The following AAMP variants were observed in gnomAD, a reference collection of about 807,000 sequenced individuals.
The protein encoded by AAMP is angio-associated migratory cell protein.
A neutral mutation model predicts 51.1 loss-of-function variants in AAMP; 12 were observed. That is an observed-to-expected ratio of 0.23 (90% confidence interval 0.15 to 0.38). The LOEUF (loss-of-function observed/expected upper bound fraction) is 0.38, where lower values mean the gene tolerates loss of function less well. Ranked by LOEUF, AAMP falls within the 10% of genes least tolerant of loss-of-function variation. The pLI is 1.00. For synonymous variants in AAMP, 210 were observed against 218.7 expected (o/e 0.96, Z 0.35); for missense variants, 418 against 557.2 (o/e 0.75, Z 2.52).
chr2:218,269,867 A>T, intron 1 of AAMP, 99 bp downstream of exon 1: 1 of 1,550,924 alleles, frequency 6.4e-7, no homozygotes. Flanking sequence ...TATCGGTAGG[A>T]ATGACCAGTC....
At chr2:218,269,870 G>T in intron 1 of AAMP, 96 bp downstream of exon 1, 10 of 1,555,264 alleles carry the variant, frequency 6.4e-6, no homozygotes, top group Non-Finnish European at 8.8e-6. Context: ...CGGTAGGAAT[G>T]ACCAGTCGGG....
Position 218,266,797 on chromosome 2 carries a change from C to T in AAMP, c.534+50G>A, listed in dbSNP as rs771834977. ...AGAACTGGCCTCCCAAGCTTGCACCCCCAACAACCCAAGGCCCCACAGAGC... is the reference window on the plus strand; with the variant it reads ...AGAACTGGCCTCCCAAGCTTGCACCTCCAACAACCCAAGGCCCCACAGAGC... On this transcript the variant is annotated intron_variant, in intron 4 of 10. Transcript: ENST00000248450. This position sits in a 1 kb window ranked among gnomAD's most constrained non-coding sequence, Gnocchi z 4.7. The T allele has an allele frequency of 1.2e-6, 2 of 1,608,688 alleles. No individual in the cohort carries two copies. Among genetic ancestry groups the T allele is most frequent in the South Asian group, 1.1e-5 (1 of 90,880 alleles).
Position 218,265,815 on chromosome 2 carries a change from C to T in AAMP, c.879+16G>A. On this transcript the variant is annotated intron_variant, in intron 7 of 10. Coordinates refer to ENST00000248450, the MANE Select transcript of AAMP (RefSeq NM_001087.5). This position sits in a 1 kb window ranked among gnomAD's most constrained non-coding sequence, Gnocchi z 6.6. ...CGGGAAAGCGGAGGCCCCAGCCGGGCTCCAGGTCCACTCACCTTGCCGGTG... is the reference window on the plus strand; with the variant it reads ...CGGGAAAGCGGAGGCCCCAGCCGGGTTCCAGGTCCACTCACCTTGCCGGTG... 6.2e-7 allele frequency: 1 copy of T among 1,605,478 alleles called. No homozygotes were observed.
Position 218,269,247 on chromosome 2 carries a change from A to C in AAMP, c.274+135T>G, listed in dbSNP as rs1574612606. ...ATCATCCATTCTGCCACACTTTCCC[A>C]CCTGTGGGCTCCTCCAGCGCAAGGC... On this transcript the variant is annotated intron_variant, in intron 2 of 10. Transcript: ENST00000248450. 12 of 1,163,400 alleles carry C rather than the reference A, an allele frequency of 1.0e-5. No individual in the cohort carries two copies. The East Asian group carries it at 2.8e-4, about 27-fold the overall frequency. 72.1% of individuals were successfully genotyped at this position (1,163,400 alleles called of 1,614,324 possible).
chr2:218,267,965 T>G lies in AAMP; in HGVS notation c.275-352A>C, dbSNP rs1351101876. Among the ~76,000 whole-genome samples, 1 of 146,220 alleles carries G rather than the reference T, an allele frequency of 6.8e-6. No homozygotes were observed. The highest frequency in any genetic ancestry group is 1.5e-5 in the Non-Finnish European group (1 of 67,782). ...GGAGAGCATCACGTTAAGGGTTTTT[T>G]GTTTTTTGTTTTTTGTTTTTTGAGA... On this transcript the variant is annotated intron_variant, in intron 2 of 10. Coordinates refer to ENST00000248450, the MANE Select transcript of AAMP (RefSeq NM_001087.5). The surrounding 1 kb of genome is among the most constrained non-coding windows in gnomAD (Gnocchi z 4.6).
rs377002351 is a variant in AAMP at position 218,266,163 on chromosome 2, G to C, written c.680-16C>G. ...GCTCTCTTCCCTGAAGAGAGGCACA[G>C]ATGAAGAGAGGGCAGAGGGCACGCT... On this transcript the variant is annotated splice_polypyrimidine_tract_variant and intron_variant, in intron 5 of 10. Coordinates refer to ENST00000248450, the MANE Select transcript of AAMP (RefSeq NM_001087.5). This position sits in a 1 kb window ranked among gnomAD's most constrained non-coding sequence, Gnocchi z 4.7. The C allele has an allele frequency of 3.1e-6, 5 of 1,611,066 alleles. No individual in the cohort carries two copies. Among genetic ancestry groups the C allele is most frequent in the Non-Finnish European group, 4.2e-6 (5 of 1,177,322 alleles).
In AAMP at chr2:218,266,493, G is replaced by A. The variant is rs773821858; in HGVS notation, c.629C>T (p.Thr210Ile). ...MWKVPNGDCKTFQGPNCPATC... is the reference protein window; with the variant it reads ...MWKVPNGDCKIFQGPNCPATC... ...GGCTGGGCAGTTGGGACCCTGGAAG[G>A]TCTTGCAGTCACCATTCGGGACTTT... The change falls in exon 5 of 11, where the codon ACC (threonine) becomes ATC (isoleucine). Residue 210 changes from threonine to isoleucine, a missense_variant. Thr to Ile is a moderately conservative substitution (Grantham distance 89, BLOSUM62 -1). Transcript: ENST00000248450. The surrounding 1 kb of genome is among the most constrained non-coding windows in gnomAD (Gnocchi z 4.7). 6.2e-7 allele frequency: 1 copy of A among 1,614,108 alleles called. No homozygotes were observed.
At position 218,267,006 on chromosome 2, in the gene AAMP, G is replaced by C; in HGVS notation, c.395-20C>G. ...TATGGCCTTCAAAGAAAAGTGGGCA[G>C]AAAACAGAGGAAAAAAATAGGGTAC... is the stretch of plus-strand genomic sequence containing the variant. On this transcript the variant is annotated intron_variant, in intron 3 of 10. Coordinates refer to ENST00000248450, the MANE Select transcript of AAMP (RefSeq NM_001087.5). The surrounding 1 kb of genome is among the most constrained non-coding windows in gnomAD (Gnocchi z 4.6). The C allele has an allele frequency of 1.2e-6, 2 of 1,610,006 alleles. No homozygotes were observed. The highest frequency in any genetic ancestry group is 1.3e-5 in the African/African-American group (1 of 74,908).
At position 218,265,794 on chromosome 2, in the gene AAMP, A is replaced by G. The variant is rs1690612697; in HGVS notation, c.879+37T>C. 6.3e-7 allele frequency: 1 copy of G among 1,594,372 alleles called. No individual in the cohort carries two copies. Among genetic ancestry groups the G allele is most frequent in the African/African-American group, 1.3e-5 (1 of 74,570 alleles). On this transcript the variant is annotated intron_variant, in intron 7 of 10. Coordinates refer to ENST00000248450, the MANE Select transcript of AAMP (RefSeq NM_001087.5). This position sits in a 1 kb window ranked among gnomAD's most constrained non-coding sequence, Gnocchi z 6.6. Reference sequence around the variant, plus strand: ...CCAGGAAGGAAGGAGAGGAGTCGGGAAAGCGGAGGCCCCAGCCGGGCTCCA... The same window carrying G: ...CCAGGAAGGAAGGAGAGGAGTCGGGGAAGCGGAGGCCCCAGCCGGGCTCCA...
rs1489485574 is a variant in AAMP at position 218,269,535 on chromosome 2, C to T, written c.122-1G>A. On this transcript the variant is annotated splice_acceptor_variant, in intron 1 of 10. Coordinates refer to ENST00000248450, the MANE Select transcript of AAMP (RefSeq NM_001087.5). LOFTEE classifies it high-confidence loss of function. ...TCTTCCATCTCCTGGGCCAGGTCAT[C>T]TGCTTTGGGGAGAGGGTTAGAAGAT... The T allele has an allele frequency of 6.2e-7, 1 of 1,614,084 alleles. No individual in the cohort carries two copies. Among genetic ancestry groups the T allele is most frequent in the African/African-American group, 1.3e-5 (1 of 74,944 alleles).
Position 218,264,491 on chromosome 2 carries a change from T to TGG in AAMP, c.*41_*42insCC. On this transcript the variant is annotated 3_prime_UTR_variant, in exon 11 of 11. Transcript: ENST00000248450. Reference sequence around the variant, plus strand: ...CTGGCAGACAGGGGCAGGGGTCCCTTCGTCCCCTCAACACCAGACACACAG... The same window carrying TGG: ...CTGGCAGACAGGGGCAGGGGTCCCTTGGCGTCCCCTCAACACCAGACACACAG... 6.3e-7 allele frequency: 1 copy of TGG among 1,586,700 alleles called. No individual in the cohort carries two copies. The highest frequency in any genetic ancestry group is 8.7e-7 in the Non-Finnish European group (1 of 1,155,208).
At position 218,265,249 on chromosome 2, in the gene AAMP, G is replaced by A; in HGVS notation, c.1075-75C>T. The A allele has an allele frequency of 6.4e-7, 1 of 1,559,498 alleles. No individual in the cohort carries two copies. On this transcript the variant is annotated intron_variant, in intron 9 of 10. Coordinates refer to ENST00000248450, the MANE Select transcript of AAMP (RefSeq NM_001087.5). This position sits in a 1 kb window ranked among gnomAD's most constrained non-coding sequence, Gnocchi z 6.6. ...GAGCCATCTGCTCCCAATTCTCAAA[G>A]AGGGACAGCCACACACAAGGGCCAG... is the stretch of plus-strand genomic sequence containing the variant.
At position 218,267,629 on chromosome 2, in the gene AAMP, T is replaced by G; in HGVS notation, c.275-16A>C. ...AACACAGATGCTGTCCCAAGAGATA[T>G]TCCATGGGTAAGGGGACAGAGCTCC... On this transcript the variant is annotated splice_polypyrimidine_tract_variant and intron_variant, in intron 2 of 10. Transcript: ENST00000248450. This position sits in a 1 kb window ranked among gnomAD's most constrained non-coding sequence, Gnocchi z 4.6. The G allele has an allele frequency of 6.2e-7, 1 of 1,614,066 alleles. No individual in the cohort carries two copies. Among genetic ancestry groups the G allele is most frequent in the Non-Finnish European group, 8.5e-7 (1 of 1,179,976 alleles).
At position 218,266,218 on chromosome 2, in the gene AAMP, GGGAGA is replaced by G. The variant is rs1472932641; in HGVS notation, c.680-76_680-72del. On this transcript the variant is annotated intron_variant, in intron 5 of 10. Coordinates refer to ENST00000248450, the MANE Select transcript of AAMP (RefSeq NM_001087.5). This position sits in a 1 kb window ranked among gnomAD's most constrained non-coding sequence, Gnocchi z 4.7. ...TACACTAAGCAAGGGAATGGGGAGA[GGGAGA>G]GGAAAGAAGAGTGGAAGGGCCCAGA... The G allele has an allele frequency of 6.8e-7, 1 of 1,473,202 alleles. No homozygotes were observed. Among genetic ancestry groups the G allele is most frequent in the African/African-American group, 1.4e-5 (1 of 72,074 alleles). The allele number at this position is 1,473,202 out of a possible 1,614,324, so 91.3% of individuals were successfully genotyped here. A position where few individuals can be genotyped will look rare whatever the true frequency, so the allele number is the denominator to read the frequency against.
Position 218,266,890 on chromosome 2 carries a change from T to G in AAMP, c.491A>C (p.Asp164Ala). 1 of 1,614,032 alleles carries G rather than the reference T, an allele frequency of 6.2e-7. No individual in the cohort carries two copies. The highest frequency in any genetic ancestry group is 8.5e-7 in the Non-Finnish European group (1 of 1,180,012). ...AAAGGACCAGACCTCCTCCTTAGTG[T>G]CCACCTGCCACACTTTCAAGAGGCC... ...MSGLLKVWQV[D>A]TKEEVWSFEA... Residue 164 changes from aspartate (D) to alanine (A), a missense_variant, in exon 4 of 11, where the codon GAC (aspartate) becomes GCC (alanine). Physicochemically the swap from Asp to Ala is moderately radical, Grantham distance 126 (BLOSUM62 -2). Coordinates refer to ENST00000248450, the MANE Select transcript of AAMP (RefSeq NM_001087.5). The surrounding 1 kb of genome is among the most constrained non-coding windows in gnomAD (Gnocchi z 4.7).
Position 218,266,874 on chromosome 2 carries a change from G to C in AAMP, c.507C>G (p.Val169=). 1 of 1,614,164 alleles carries C rather than the reference G, an allele frequency of 6.2e-7. No homozygotes were observed. The highest frequency in any genetic ancestry group is 2.2e-5 in the East Asian group (1 of 44,888). Residue 169 remains valine, a synonymous_variant, in exon 4 of 11, where the codon GTC becomes GTG. Coordinates refer to ENST00000248450, the MANE Select transcript of AAMP (RefSeq NM_001087.5). The surrounding 1 kb of genome is among the most constrained non-coding windows in gnomAD (Gnocchi z 4.7). ...KVWQVDTKEE[V]WSFEAGDLEW... is the part of the protein sequence containing the mutation. ...CCAGGTCTCCCGCTTCAAAGGACCA[G>C]ACCTCCTCCTTAGTGTCCACCTGCC...
intron 2 of AAMP, among the ~76,000 whole-genome samples, chr2:218,268,543 T>C (rs1310611656): frequency 6.6e-6 from 1 of 151,234 alleles, no homozygotes; most frequent in Non-Finnish European, 1.5e-5. Context: ...GGTTTCACCA[T>C]GTCGGCCAGG....
At position 218,266,579 on chromosome 2, in the gene AAMP, C is replaced by G; in HGVS notation, c.543G>C (p.Glu181Asp). Reference sequence around the variant, plus strand: ...ACAGGACAGGTGCCCGAGGATGCCACTCCATCCACTGGACAGGGAGGAAGG... The same window carrying G: ...ACAGGACAGGTGCCCGAGGATGCCAGTCCATCCACTGGACAGGGAGGAAGG... ...SFEAGDLEWM[E>D]WHPRAPVLLA... Residue 181 changes from glutamate to aspartate, a missense_variant, in exon 5 of 11, where the codon GAG becomes GAC. Glu to Asp is a conservative substitution (Grantham distance 45, BLOSUM62 2). Transcript: ENST00000248450. The surrounding 1 kb of genome is among the most constrained non-coding windows in gnomAD (Gnocchi z 4.7). 1.2e-6 allele frequency: 2 copies of G among 1,613,032 alleles called. No individual in the cohort carries two copies. Among genetic ancestry groups the G allele is most frequent in the East Asian group, 4.5e-5 (2 of 44,866 alleles).
Position 218,265,312 on chromosome 2 carries a change from TG to T in AAMP, c.1074+58del. On this transcript the variant is annotated intron_variant, in intron 9 of 10. Coordinates refer to ENST00000248450, the MANE Select transcript of AAMP (RefSeq NM_001087.5). The surrounding 1 kb of genome is among the most constrained non-coding windows in gnomAD (Gnocchi z 6.6). ...TCTGGGGTAGATGCTCCTGGAGGCC[TG>T]GGCTTCCCCACCACTATGGACACAG... 2.0e-6 allele frequency: 3 copies of T among 1,532,064 alleles called. No individual in the cohort carries two copies. The Admixed American group carries it at 5.9e-5, about 30-fold the overall frequency. The allele number at this position is 1,532,064 out of a possible 1,614,324, so 94.9% of individuals were successfully genotyped here. A position where few individuals can be genotyped will look rare whatever the true frequency, so the allele number is the denominator to read the frequency against.
Sources: allele counts gnomAD v4.1 joint callset (sites outside exome capture counted in the v4.1 genomes callset), GRCh38; gene constraint gnomAD v4.1.1; non-coding constraint Gnocchi (gnomAD v3.1); transcripts MANE v1.5; gene names NCBI Gene and HGNC (gene_info 2026-07-23, HGNC 2026-07-21).